The following PARM1 variants were observed in gnomAD, a reference collection of about 807,000 sequenced individuals.
The protein encoded by PARM1 is prostate androgen-regulated mucin-like protein 1, also known as WSC4, cell wall integrity and stress response component 4 homolog.
PARM1 carries 14 observed loss-of-function variants against 24.6 expected under a neutral mutation model. That is an observed-to-expected ratio of 0.57 (90% CI 0.38 to 0.89). PARM1 has a LOEUF of 0.89. Ranked by LOEUF, PARM1 falls within the 40% of genes least tolerant of loss-of-function variation. The probability of loss-of-function intolerance (pLI) is 0.00; values close to 1 mark genes in which losing one functional copy is unlikely to be tolerated. For missense variants in PARM1, 362 were observed against 380.4 expected (o/e 0.95, Z 0.40); for synonymous variants, 179 against 156.6 (o/e 1.14, Z -1.07).
chr4:75,000,424 T>C (rs1208534852), intron 1 of PARM1, among the ~76,000 whole-genome samples: 1 of 152,172 alleles, frequency 6.6e-6, no homozygotes, highest in Admixed American at 6.5e-5. Flanking sequence ...GGATCAACAA[T>C]ATCATCAAGG....
chr4:74,991,870 T>C (rs1349887097), intron 1 of PARM1, among the ~76,000 whole-genome samples: 1 of 152,120 alleles, frequency 6.6e-6, no homozygotes, highest in African/African-American at 2.4e-5. Flanking sequence ...GTAAAAGTAA[T>C]GCAAAAACAA....
At chr4:75,012,403 T>G in intron 1 of PARM1, 22 bp from the exon 2 acceptor site, 1 of 1,607,580 alleles carries the variant, frequency 6.2e-7, no homozygotes, top group East Asian at 2.2e-5. Context: ...TATTAACCAC[T>G]TTTGTACTGG....
intron 2 of PARM1, 95 bp downstream of exon 2, chr4:75,013,245 G>A (rs1251963176): frequency 1.6e-6 from 2 of 1,258,140 alleles, no homozygotes; most frequent in Non-Finnish European, 2.2e-6. Flanking sequence ...TTTGAATTTT[G>A]GAGTGTAACA....
intron 1 of PARM1, among the ~76,000 whole-genome samples, chr4:74,965,621 G>A (rs2109991802): frequency 1.3e-5 from 2 of 152,306 alleles, no homozygotes; most frequent in South Asian, 4.1e-4. Context: ...TGAGGTTAAT[G>A]AGCAAAAGTT....
At chr4:74,973,008 C>T (rs1034258522) in intron 1 of PARM1, among the ~76,000 whole-genome samples, 5 of 152,088 alleles carry the variant, frequency 3.3e-5, no homozygotes, top group African/African-American at 1.2e-4. Flanking sequence ...TCATTGTCCT[C>T]ACTTACACAT....
chr4:74,991,976 G>T (rs1722486883), intron 1 of PARM1, among the ~76,000 whole-genome samples: 1 of 152,134 alleles, frequency 6.6e-6, no homozygotes, highest in Non-Finnish European at 1.5e-5. Context: ...CAATTAATTT[G>T]CTAGAGCTGC....
chr4:75,034,055 A>G, intron 3 of PARM1, 94 bp downstream of exon 3: 3 of 957,224 alleles, frequency 3.1e-6, no homozygotes, highest in Middle Eastern at 2.2e-4. Context: ...CTTAATAGGT[A>G]TCTTAGCCCT....
chr4:74,955,008 G>T (rs1046945590), intron 1 of PARM1, among the ~76,000 whole-genome samples: 11 of 152,044 alleles, frequency 7.2e-5, no homozygotes, highest in African/African-American at 2.7e-4. Context: ...AAAAGTGTTT[G>T]GCAATTTGGC....
intron 3 of PARM1, among the ~76,000 whole-genome samples, chr4:75,036,756 A>C (rs555171156): frequency 1.3e-5 from 2 of 152,330 alleles, no homozygotes; most frequent in African/African-American, 4.8e-5. Context: ...TCAGAGCACC[A>C]GATAAATTAA....
At chr4:75,011,816 T>C (rs1722876438) in intron 1 of PARM1, among the ~76,000 whole-genome samples, 1 of 152,164 alleles carries the variant, frequency 6.6e-6, no homozygotes, top group Non-Finnish European at 1.5e-5. Flanking sequence ...CCTTTTTCTT[T>C]CTCTGCAGGA....
chr4:74,960,466 T>A (rs981662193), intron 1 of PARM1, among the ~76,000 whole-genome samples: 1 of 152,138 alleles, frequency 6.6e-6, no homozygotes, highest in Admixed American at 6.5e-5. Context: ...TAAGTTTACA[T>A]GTTGGGCTGA....
intron 1 of PARM1, among the ~76,000 whole-genome samples, chr4:75,007,019 A>C (rs1489731993): frequency 1.3e-5 from 2 of 152,212 alleles, no homozygotes; most frequent in Non-Finnish European, 2.9e-5. Flanking sequence ...AACTTAAATA[A>C]ATTTACAAGA....
intron 1 of PARM1, among the ~76,000 whole-genome samples, chr4:74,962,905 C>CA (rs1469926930): frequency 6.6e-6 from 1 of 152,154 alleles, no homozygotes; most frequent in East Asian, 1.9e-4. Context: ...ACAGTTAACA[C>CA]ATCTTAAATT....
intron 1 of PARM1, among the ~76,000 whole-genome samples, chr4:74,974,761 T>C (rs1316049983): frequency 6.6e-6 from 1 of 152,156 alleles, no homozygotes; most frequent in Non-Finnish European, 1.5e-5. Context: ...GATAAGGCTT[T>C]CAGAAGTAAT....
At chr4:74,962,738 G>T (rs955318573) in intron 1 of PARM1, among the ~76,000 whole-genome samples, 2 of 152,182 alleles carry the variant, frequency 1.3e-5, no homozygotes, top group Non-Finnish European at 2.9e-5. Context: ...AAGTAGAATG[G>T]TGGCTGCTAA....
At chr4:74,936,791 C>G (rs1721203197) in intron 1 of PARM1, among the ~76,000 whole-genome samples, 1 of 152,052 alleles carries the variant, frequency 6.6e-6, no homozygotes, top group African/African-American at 2.4e-5. Context: ...TATTTAAAAA[C>G]TCCCTCAGTG....
chr4:75,016,994 G>A (rs957116490), intron 2 of PARM1, among the ~76,000 whole-genome samples: 1 of 152,076 alleles, frequency 6.6e-6, no homozygotes, highest in African/African-American at 2.4e-5. Context: ...TCAATTCTCA[G>A]CCTGTGCCCC....
intron 1 of PARM1, among the ~76,000 whole-genome samples, chr4:74,984,944 G>T (rs1218963384): frequency 6.6e-6 from 1 of 152,188 alleles, no homozygotes; most frequent in Non-Finnish European, 1.5e-5. Context: ...CATCACAGAG[G>T]ATGGCAGGGA....
intron 1 of PARM1, among the ~76,000 whole-genome samples, chr4:74,951,077 TG>T (rs765514190): frequency 3.9e-5 from 6 of 152,358 alleles, no homozygotes; most frequent in Non-Finnish European, 8.8e-5. Context: ...CAACAGAGAA[TG>T]GGCTGTGTGG....
Sources: gnomAD v4.1 joint callset for allele counts (sites outside exome capture counted in the v4.1 genomes callset) on GRCh38, gnomAD v4.1.1 for gene constraint, MANE v1.5 for transcripts, NCBI Gene and HGNC (gene_info 2026-07-23, HGNC 2026-07-21) for gene names.